The following NARS2 variants were observed in gnomAD, a reference collection of about 807,000 sequenced individuals.
NARS2 encodes the protein asparaginyl-tRNA synthetase 2, mitochondrial, also known as asparaginyl-tRNA synthetase.
A neutral mutation model predicts 62.9 loss-of-function variants in NARS2; 60 were observed. The observed-to-expected ratio is 0.95, with a 90% CI of 0.77 to 1.18. The LOEUF is 1.18. NARS2 is among the 50% of genes most tolerant of loss of function. NARS2 has a pLI of 0.00. For synonymous variants in NARS2, 196 were observed against 200.0 expected (o/e 0.98, Z 0.17); for missense variants, 619 against 576.4 (o/e 1.07, Z -0.76).
chr11:78,566,113 G>A lies in NARS2; in HGVS notation c.513+19C>T. On this transcript the variant is annotated intron_variant, in intron 4 of 13. Coordinates refer to ENST00000281038, the MANE Select transcript of NARS2 (RefSeq NM_024678.6). ...TTAAAACTGTTTAAAGGGTCAAGAGGGAACTTTTAGGATCTTACCTTAAAG... is the reference window on the plus strand; with the variant it reads ...TTAAAACTGTTTAAAGGGTCAAGAGAGAACTTTTAGGATCTTACCTTAAAG... 1 of 1,588,524 alleles carries A rather than the reference G, an allele frequency of 6.3e-7. No homozygotes were observed. The highest frequency in any genetic ancestry group is 8.6e-7 in the Non-Finnish European group (1 of 1,167,974).
chr11:78,528,518 G>C (rs542863369), intron 6 of NARS2, among the ~76,000 whole-genome samples: 100 of 152,124 alleles, frequency 6.6e-4, no homozygotes, highest in African/African-American at 2.2e-3. Flanking sequence ...AAATGAAATA[G>C]ACTAATACCC....
Position 78,465,775 on chromosome 11 carries a change from GAGAT to G in NARS2, c.1164+97_1164+100del. On this transcript the variant is annotated intron_variant, in intron 11 of 13. Coordinates refer to ENST00000281038, the MANE Select transcript of NARS2 (RefSeq NM_024678.6). ...TCTTTGAAAAACATTATCATTTTAA[GAGAT>G]AGAGTGATAGATGACATTTAAGAAA... is the stretch of plus-strand genomic sequence containing the variant. 3 of 1,302,886 alleles carry G rather than the reference GAGAT, an allele frequency of 2.3e-6. No homozygotes were observed. The East Asian group carries it at 7.0e-5, about 30-fold the overall frequency. 80.7% of individuals were successfully genotyped at this position (1,302,886 alleles called of 1,614,324 possible).
At chr11:78,568,429 T>A (rs1051705288) in intron 3 of NARS2, among the ~76,000 whole-genome samples, 2 of 152,182 alleles carry the variant, frequency 1.3e-5, no homozygotes, top group African/African-American at 4.8e-5. Flanking sequence ...ACCACAGAGA[T>A]GCAAAAATCA....
intron 6 of NARS2, among the ~76,000 whole-genome samples, chr11:78,514,931 T>C (rs1183603131): frequency 2.0e-5 from 3 of 152,274 alleles, no homozygotes; most frequent in Non-Finnish European, 2.9e-5. Context: ...TAAGCAGATA[T>C]TTCTATTCAC....
Position 78,443,753 on chromosome 11 carries a change from A to T in NARS2, c.1170T>A (p.Ala390=). 6.2e-7 allele frequency: 1 copy of T among 1,611,526 alleles called. No individual in the cohort carries two copies. Among genetic ancestry groups the T allele is most frequent in the Non-Finnish European group, 8.5e-7 (1 of 1,178,010 alleles). The part of the protein sequence containing the change: ...DNEDGPQHTV[A]AVDLLVPGVG... ...CTCCAGGAACCAGAAGATCAACAGC[A>T]GCAACCTAAGGAAAAAAAAAAAATT... Residue 390 remains alanine, a synonymous_variant, in exon 12 of 14, where the codon GCT becomes GCA. Coordinates refer to ENST00000281038, the MANE Select transcript of NARS2 (RefSeq NM_024678.6).
intron 12 of NARS2, 90 bp downstream of exon 12, chr11:78,443,571 A>G (rs1857648527): frequency 2.5e-6 from 2 of 804,732 alleles, no homozygotes; most frequent in Admixed American, 4.6e-5. Context: ...GCCGAGGCCC[A>G]GGGTCTTCAC....
chr11:78,461,823 T>C (rs1048718105), intron 11 of NARS2, among the ~76,000 whole-genome samples: 3 of 148,876 alleles, frequency 2.0e-5, no homozygotes, highest in African/African-American at 7.4e-5. Flanking sequence ...TGTGGTGGCA[T>C]GCGTCTGTAG....
chr11:78,517,786 A>G (rs766598489), intron 6 of NARS2, among the ~76,000 whole-genome samples: 10 of 152,198 alleles, frequency 6.6e-5, no homozygotes, highest in Non-Finnish European at 1.0e-4. Context: ...TGTCAATACT[A>G]TACAGAAAAT....
intron 9 of NARS2, among the ~76,000 whole-genome samples, chr11:78,475,396 T>C (rs1446516845): frequency 6.6e-6 from 1 of 152,172 alleles, no homozygotes; most frequent in Non-Finnish European, 1.5e-5. Context: ...TTTGACATAC[T>C]GACTTCAGTT....
intron 9 of NARS2, 97 bp from the exon 10 acceptor site, chr11:78,469,410 C>T (rs759550623): frequency 6.1e-6 from 5 of 814,266 alleles, no homozygotes; most frequent in African/African-American, 1.7e-5. Flanking sequence ...CTATATCACA[C>T]TGTGAGGTCA....
intron 13 of NARS2, among the ~76,000 whole-genome samples, chr11:78,440,843 A>T (rs1341522873): frequency 6.6e-6 from 1 of 152,042 alleles, no homozygotes; most frequent in Non-Finnish European, 1.5e-5. Flanking sequence ...AATATACATA[A>T]AATTTTTAAC....
intron 7 of NARS2, among the ~76,000 whole-genome samples, chr11:78,481,266 G>C (rs1056359160): frequency 2.0e-5 from 3 of 152,282 alleles, no homozygotes. Flanking sequence ...GGGTATAGGG[G>C]TAAGGAATAA....
At chr11:78,541,142 A>G (rs1306958813) in intron 5 of NARS2, among the ~76,000 whole-genome samples, 3 of 152,158 alleles carry the variant, frequency 2.0e-5, no homozygotes, top group Non-Finnish European at 4.4e-5. Flanking sequence ...CCTGAGTGAC[A>G]ACAGTGAAAC....
At chr11:78,462,247 G>T (rs1234179460) in intron 11 of NARS2, among the ~76,000 whole-genome samples, 1 of 152,160 alleles carries the variant, frequency 6.6e-6, no homozygotes, top group Non-Finnish European at 1.5e-5. Flanking sequence ...AAAGCCAACA[G>T]ATACAGTCTT....
chr11:78,457,829 A>AACACAC, intron 11 of NARS2, among the ~76,000 whole-genome samples: 1 of 137,062 alleles, frequency 7.3e-6, no homozygotes, highest in East Asian at 2.2e-4. Flanking sequence ...CACACACACA[A>AACACAC]ACACACACAC....
At chr11:78,483,258 T>G (rs540765818) in intron 7 of NARS2, among the ~76,000 whole-genome samples, 2 of 152,100 alleles carry the variant, frequency 1.3e-5, no homozygotes, top group South Asian at 4.1e-4. Flanking sequence ...TAAGAGCTAT[T>G]TATGACAAAC....
chr11:78,469,166 G>T, intron 10 of NARS2, 81 bp downstream of exon 10: 2 of 939,916 alleles, frequency 2.1e-6, no homozygotes, highest in Non-Finnish European at 3.4e-6. Flanking sequence ...AGATGATTTT[G>T]AAAGATTCTT....
rs532455273 is a variant in NARS2, at chr11:78,489,579, G to C, written c.822+3484C>G. ...TTTGTAATTTATATAAGGAACATAAGTAACCATGGACTTTGGTATCCATAA... is the reference window on the plus strand; with the variant it reads ...TTTGTAATTTATATAAGGAACATAACTAACCATGGACTTTGGTATCCATAA... On this transcript the variant is annotated intron_variant, in intron 7 of 13. Coordinates refer to ENST00000281038, the MANE Select transcript of NARS2 (RefSeq NM_024678.6). Among the ~76,000 whole-genome samples, 270 of 152,256 alleles carry C rather than the reference G, an allele frequency of 1.8e-3. 1 individual carries two copies. Among genetic ancestry groups the C allele is most frequent in the African/African-American group, 6.2e-3 (259 of 41,558 alleles).
intron 5 of NARS2, among the ~76,000 whole-genome samples, chr11:78,549,062 G>A (rs925858132): frequency 6.6e-6 from 1 of 152,236 alleles, no homozygotes; most frequent in African/African-American, 2.4e-5. Flanking sequence ...ACAGCCACCT[G>A]TAGCTGAGGC....
Sources: allele counts gnomAD v4.1 joint callset (sites outside exome capture counted in the v4.1 genomes callset), GRCh38; gene constraint gnomAD v4.1.1; transcripts MANE v1.5; gene names NCBI Gene and HGNC (gene_info 2026-07-23, HGNC 2026-07-21).